Variants in WTIP observed in about 807,000 individuals in gnomAD.
WTIP encodes Wilms tumor protein 1-interacting protein.
Under a neutral mutation model 41.7 loss-of-function variants are expected in WTIP, and 23 were observed. The observed-to-expected ratio is 0.55, with a 90% confidence interval of 0.40 to 0.78. The LOEUF (loss-of-function observed/expected upper bound fraction) is 0.78, where lower values mean the gene tolerates loss of function less well. Among genes scored for constraint, WTIP ranks in the 30% least tolerant of loss-of-function variants. The pLI, the probability that WTIP is intolerant of heterozygous loss-of-function variation, is 0.00. For missense variants in WTIP, 619 were observed against 610.5 expected, an observed-to-expected ratio of 1.01 and a Z score of -0.15; for synonymous variants, 314 against 269.9, an observed-to-expected ratio of 1.16 and a Z score of -1.60.
intron 1 of WTIP, among the ~76,000 whole-genome samples, chr19:34,484,964 G>C (rs28441208): frequency 8.1e-5 from 12 of 148,284 alleles, no homozygotes; most frequent in Non-Finnish European, 1.5e-5. Flanking sequence ...AAGCTGCTCA[G>C]ATCGGGCTGT....
At chr19:34,489,035 T>C (rs1337021066) in intron 1 of WTIP, among the ~76,000 whole-genome samples, 3 of 151,022 alleles carry the variant, frequency 2.0e-5, no homozygotes, top group African/African-American at 7.3e-5. Context: ...CTATCTCTAC[T>C]AAAAATACAA....
chr19:34,483,592 G>A (rs1599950653), intron 1 of WTIP, among the ~76,000 whole-genome samples: 1 of 152,204 alleles, frequency 6.6e-6, no homozygotes, highest in East Asian at 1.9e-4. Flanking sequence ...GCCCTCGCCC[G>A]GACTGTGCTG....
intron 1 of WTIP, among the ~76,000 whole-genome samples, chr19:34,490,166 C>T (rs890689258): frequency 1.3e-5 from 2 of 152,096 alleles, no homozygotes; most frequent in Admixed American, 1.3e-4. Context: ...TCGGCCAAGC[C>T]CTTGAATCCT....
chr19:34,483,620 C>T (rs2075782360), intron 1 of WTIP, among the ~76,000 whole-genome samples: 1 of 152,212 alleles, frequency 6.6e-6, no homozygotes, highest in African/African-American at 2.4e-5. Context: ...AGGATGTTTC[C>T]TAAAGGAATC....
In WTIP at chr19:34,482,209, C is replaced by A. The variant is rs1443092152; in HGVS notation, c.235C>A (p.Pro79Thr). The change falls in exon 1 of 8, where the codon CCG (proline) becomes ACG (threonine). Residue 79 changes from proline to threonine, a missense_variant. This residue lies in a region of WTIP where 363 missense variants were observed against 309.0 expected (regional missense o/e 1.17). Transcript: ENST00000590071. Reference sequence around the variant, plus strand: ...GCGGGGTCCCCGGCGCGCGGCGGTTCCGGAGCTCAGCGCGCAGCCTGCGGG... The same window carrying A: ...GCGGGGTCCCCGGCGCGCGGCGGTTACGGAGCTCAGCGCGCAGCCTGCGGG... ...GERGPRRAAV[P>T]ELSAQPAGSP... 1 of 1,135,154 alleles carries A rather than the reference C, an allele frequency of 8.8e-7. No individual in the cohort carries two copies. The highest frequency in any genetic ancestry group is 1.1e-6 in the Non-Finnish European group (1 of 929,330). The allele number at this position is 1,135,154 out of a possible 1,614,324, so 70.3% of individuals were successfully genotyped here.
Position 34,500,508 on chromosome 19 carries a change from C to T in WTIP, c.*239C>T, listed in dbSNP as rs959486131. The T allele has an allele frequency of 3.5e-5, 19 of 536,444 alleles. No individual in the cohort carries two copies. Among genetic ancestry groups the T allele is most frequent in the Non-Finnish European group, 5.7e-5 (18 of 317,864 alleles). 33.2% of individuals were successfully genotyped at this position (536,444 alleles called of 1,614,324 possible). A position where few individuals can be genotyped will look rare whatever the true frequency, so the allele number is the denominator to read the frequency against. On this transcript the variant is annotated 3_prime_UTR_variant, in exon 8 of 8. Transcript: ENST00000590071. Reference sequence around the variant, plus strand: ...CCATCACCAGCTTTCCACTTGGAGGCCCCCTGTGCCCTGCAGCCTCAGGGT... The same window carrying T: ...CCATCACCAGCTTTCCACTTGGAGGTCCCCTGTGCCCTGCAGCCTCAGGGT...
In WTIP at chr19:34,503,045, T is replaced by G. The variant is rs1207316267; in HGVS notation, c.*2776T>G. On this transcript the variant is annotated 3_prime_UTR_variant, in exon 8 of 8. Coordinates refer to ENST00000590071, the MANE Select transcript of WTIP (RefSeq NM_001080436.2). ...ATGGGGTTGCTTCACTGAACCCTGCTCCATCCCGGTCACCATGCACGCTCC... is the reference window on the plus strand; with the variant it reads ...ATGGGGTTGCTTCACTGAACCCTGCGCCATCCCGGTCACCATGCACGCTCC... The G allele has an allele frequency of 6.6e-6, 1 of 152,424 alleles. No individual in the cohort carries two copies. Among genetic ancestry groups the G allele is most frequent in the African/African-American group, 2.4e-5 (1 of 41,446 alleles). 9.4% of individuals were successfully genotyped at this position (152,424 alleles called of 1,614,324 possible).
chr19:34,482,640 C>G lies in WTIP; in HGVS notation c.666C>G (p.Phe222Leu). The change falls in exon 1 of 8, where the codon TTC becomes TTG. Residue 222 changes from phenylalanine to leucine, a missense_variant and splice_region_variant. By Grantham distance (22) the Phe-to-Leu change is conservative (BLOSUM62 0). This residue lies in a region of WTIP where 164 missense variants were observed against 219.1 expected (regional missense o/e 0.75). Transcript: ENST00000590071. ...ALEARTARDYFGICIKCGLGI... is the reference protein window; with the variant it reads ...ALEARTARDYLGICIKCGLGI... ...AGGCGCGCACGGCGCGGGACTACTTCGGTGAGCTCGCTCGGCCCGGCAGTT... is the reference window on the plus strand; with the variant it reads ...AGGCGCGCACGGCGCGGGACTACTTGGGTGAGCTCGCTCGGCCCGGCAGTT... 1 of 1,228,148 alleles carries G rather than the reference C, an allele frequency of 8.1e-7. No homozygotes were observed. The highest frequency in any genetic ancestry group is 1.6e-5 in the African/African-American group (1 of 64,262). 76.1% of individuals were successfully genotyped at this position (1,228,148 alleles called of 1,614,324 possible).
rs537740287 is a variant in WTIP at position 34,504,610 on chromosome 19, TG to T, written c.*4347del. ...TGACAATCCCAAGTGGAACTGCTCTTGGGGGGCTGTGTGGGGAGGGGCCACT... is the reference window on the plus strand; with the variant it reads ...TGACAATCCCAAGTGGAACTGCTCTTGGGGGCTGTGTGGGGAGGGGCCACT... On this transcript the variant is annotated 3_prime_UTR_variant, in exon 8 of 8. Transcript: ENST00000590071. 2 of 152,128 alleles carry T rather than the reference TG, an allele frequency of 1.3e-5. No homozygotes were observed. Among genetic ancestry groups the T allele is most frequent in the East Asian group, 1.9e-4 (1 of 5,164 alleles). The allele number at this position is 152,128 out of a possible 1,614,324, so 9.4% of individuals were successfully genotyped here.
At chr19:34,482,692 G>T in intron 1 of WTIP, 51 bp downstream of exon 1, 1 of 1,218,750 alleles carries the variant, frequency 8.2e-7, no homozygotes, top group Non-Finnish European at 1.0e-6. Flanking sequence ...GGGGTCCGGG[G>T]TTCCGAGACT....
chr19:34,491,747 T>C (rs1208320488), intron 2 of WTIP, among the ~76,000 whole-genome samples: 3 of 149,928 alleles, frequency 2.0e-5, no homozygotes, highest in Non-Finnish European at 4.5e-5. Context: ...CAGTTTCAAG[T>C]GATTCGCCTG....
At position 34,500,436 on chromosome 19, in the gene WTIP, T is replaced by C; in HGVS notation, c.*167T>C. The C allele has an allele frequency of 9.9e-7, 1 of 1,005,676 alleles. No homozygotes were observed. The highest frequency in any genetic ancestry group is 2.7e-5 in the East Asian group (1 of 36,706). The allele number at this position is 1,005,676 out of a possible 1,614,324, so 62.3% of individuals were successfully genotyped here. ...TGGAAGCTTCTATTTATTCACCGTC[T>C]GTGCCTGCTCAAGTCACTTCCCTGC... On this transcript the variant is annotated 3_prime_UTR_variant, in exon 8 of 8. Transcript: ENST00000590071.
intron 1 of WTIP, among the ~76,000 whole-genome samples, chr19:34,483,180 T>C (rs1429216582): frequency 9.0e-6 from 1 of 110,610 alleles, no homozygotes; most frequent in African/African-American, 3.5e-5. Flanking sequence ...TTTCTTCTTC[T>C]TACTTTTTTT....
chr19:34,489,980 T>C (rs901927901), intron 1 of WTIP, among the ~76,000 whole-genome samples: 4 of 152,120 alleles, frequency 2.6e-5, no homozygotes, highest in Admixed American at 6.5e-5. Flanking sequence ...GGCTCATGCC[T>C]GTAATGCCAG....
At chr19:34,489,465 G>C (rs373740048) in intron 1 of WTIP, among the ~76,000 whole-genome samples, 1 of 152,120 alleles carries the variant, frequency 6.6e-6, no homozygotes, top group African/African-American at 2.4e-5. Context: ...TACAGAGGAG[G>C]ACAGAGTGGC....
At chr19:34,490,279 C>A in intron 1 of WTIP, 97 bp from the exon 2 acceptor site, 1 of 1,125,372 alleles carries the variant, frequency 8.9e-7, no homozygotes, top group Non-Finnish European at 1.3e-6. Flanking sequence ...TAGCATCCCC[C>A]AGGTCAAGCG....
At position 34,495,506 on chromosome 19, in the gene WTIP, G is replaced by A. The variant is rs556755770; in HGVS notation, c.1084-197G>A. On this transcript the variant is annotated intron_variant, in intron 6 of 7. Coordinates refer to ENST00000590071, the MANE Select transcript of WTIP (RefSeq NM_001080436.2). ...ACTGTGGGCTGTGATCGTGGAGGAC[G>A]CCTAAGGCCCGCATGTGTCTGTGTG... Among the ~76,000 whole-genome samples, 5 of 152,314 alleles carry A rather than the reference G, an allele frequency of 3.3e-5. No homozygotes were observed. The South Asian group carries it at 6.2e-4, about 19-fold the overall frequency.
rs373927052 is a variant in WTIP, at chr19:34,500,172, A to G, written c.1196A>G (p.Tyr399Cys). The stretch of plus-strand genomic sequence containing the variant: ...AGCGGGGAGGAGGGACGCCGTTGCT[A>G]TCCCCTGGCGGGCCACCTACTGTGT... ...QLSGEEGRRC[Y>C]PLAGHLLCRR... Residue 399 changes from tyrosine to cysteine, a missense_variant, in exon 8 of 8, where the codon TAT becomes TGT. Tyr to Cys is a radical substitution (Grantham distance 194). This residue lies in a region of WTIP where 92 missense variants were observed against 82.4 expected (regional missense o/e 1.12). Transcript: ENST00000590071. 14 of 1,602,414 alleles carry G rather than the reference A, an allele frequency of 8.7e-6. No homozygotes were observed. Among genetic ancestry groups the G allele is most frequent in the East Asian group, 2.2e-5 (1 of 44,832 alleles).
intron 1 of WTIP, among the ~76,000 whole-genome samples, chr19:34,490,026 C>CCAG (rs2075817619): frequency 6.6e-6 from 1 of 152,286 alleles, no homozygotes; most frequent in African/African-American, 2.4e-5. Context: ...ATCGCTTTAA[C>CCAG]CCAGGAGTTT....
Sources: gnomAD v4.1 joint callset for allele counts (sites outside exome capture counted in the v4.1 genomes callset) on GRCh38, gnomAD v4.1.1 for gene constraint, gnomAD v4.1.1 regional missense constraint, MANE v1.5 for transcripts, NCBI Gene and HGNC (gene_info 2026-07-23, HGNC 2026-07-21) for gene names.